The following IQSEC1 variants were observed in gnomAD, a reference collection of about 807,000 sequenced individuals.
IQSEC1 encodes the protein IQ motif and Sec7 domain ArfGEF 1.
In IQSEC1, 31 loss-of-function variants were observed where a neutral mutation model predicts 91.0. The observed-to-expected ratio is 0.34, with a 90% CI of 0.26 to 0.46. The LOEUF (loss-of-function observed/expected upper bound fraction) is 0.46, where lower values mean the gene tolerates loss of function less well. IQSEC1 is among the 20% of genes least tolerant of loss of function. The pLI is 1.00. For missense variants in IQSEC1, 1,388 were observed against 1,575.6 expected, an observed-to-expected ratio of 0.88 and a Z score of 2.02; for synonymous variants, 699 against 662.6, an observed-to-expected ratio of 1.05 and a Z score of -0.84.
chr3:13,130,142 G>A (rs8180008), intron 2 of IQSEC1, among the ~76,000 whole-genome samples: 16,044 of 150,110 alleles, frequency 0.11, 1,090 homozygotes, highest in South Asian at 0.15. Context: ...TCAGGAGTTC[G>A]AGAACAGCCT....
At chr3:12,949,733 G>C (rs1699413593) in intron 1 of IQSEC1, among the ~76,000 whole-genome samples, 2 of 152,200 alleles carry the variant, frequency 1.3e-5, no homozygotes, top group Non-Finnish European at 2.9e-5. Flanking sequence ...CCCCGTCTCG[G>C]GGAGGGATGG....
At position 12,909,941 on chromosome 3, in the gene IQSEC1, G is replaced by A. The variant is rs1575866403; in HGVS notation, c.2417-507C>T. 6.6e-6 allele frequency among the ~76,000 whole-genome samples: 1 copy of A among 152,232 alleles called. No individual in the cohort carries two copies. The highest frequency in any genetic ancestry group is 2.1e-4 in the South Asian group (1 of 4,836). On this transcript the variant is annotated intron_variant, in intron 10 of 13. Coordinates refer to ENST00000613206, the MANE Select transcript of IQSEC1 (RefSeq NM_001134382.3). The surrounding 1 kb of genome is among the most constrained non-coding windows in gnomAD (Gnocchi z 4.9). ...GCTGCTCCGGCAGTGGGAGTCACTG[G>A]CAGAGCATCAGCCACTGGATGTTTG...
chr3:13,262,868 C>T (rs1180052517), intron 1 of IQSEC1, among the ~76,000 whole-genome samples: 2 of 152,170 alleles, frequency 1.3e-5, no homozygotes, highest in Non-Finnish European at 2.9e-5. Flanking sequence ...ATCCAGTTCA[C>T]AGACACAGGA....
chr3:13,072,955 C>CTCTGGCT, intron 1 of IQSEC1, 37 bp downstream of exon 1: 1 of 1,543,478 alleles, frequency 6.5e-7, no homozygotes, highest in South Asian at 1.2e-5. Flanking sequence ...CCCCTCTGGC[C>CTCTGGCT]TCTGGCTTCA....
intron 1 of IQSEC1, among the ~76,000 whole-genome samples, chr3:13,019,150 C>T (rs934740181): frequency 6.6e-6 from 1 of 152,380 alleles, no homozygotes; most frequent in South Asian, 2.1e-4. Flanking sequence ...CACAACCTAC[C>T]GTTGTGGGCT....
At chr3:13,212,798 C>T (rs1290122618) in intron 1 of IQSEC1, among the ~76,000 whole-genome samples, 10 of 152,180 alleles carry the variant, frequency 6.6e-5, no homozygotes, top group Admixed American at 5.2e-4. Flanking sequence ...CACATGTGTA[C>T]TGGTCACTGG....
rs1694358771 is a variant in IQSEC1, at chr3:13,207,114, A to C, written c.273-42981T>G. 6.6e-6 allele frequency among the ~76,000 whole-genome samples: 1 copy of C among 151,972 alleles called. No homozygotes were observed. The highest frequency in any genetic ancestry group is 1.5e-5 in the Non-Finnish European group (1 of 67,980). ...GGAGTTGCTGGCCCTGACAATTTCT[A>C]CTACTGCATCGTGGGACCACCCAAC... On this transcript the variant is annotated intron_variant, in intron 1 of 15. Coordinates refer to the IQSEC1 transcript ENST00000648114. The surrounding 1 kb of genome is among the most constrained non-coding windows in gnomAD (Gnocchi z 4.8).
intron 1 of IQSEC1, among the ~76,000 whole-genome samples, chr3:12,996,223 AT>A (rs1269022548): frequency 1.3e-5 from 2 of 152,222 alleles, no homozygotes; most frequent in African/African-American, 4.8e-5. Context: ...TAGTTTTAAT[AT>A]TTAAAAATGC....
At chr3:12,976,706 C>T (rs1296546615) in intron 1 of IQSEC1, among the ~76,000 whole-genome samples, 1 of 152,210 alleles carries the variant, frequency 6.6e-6, no homozygotes, top group African/African-American at 2.4e-5. Flanking sequence ...GTCACTTCCA[C>T]CAGAAAGTAG....
chr3:13,038,297 T>TATATATAA (rs1184139616), intron 1 of IQSEC1, among the ~76,000 whole-genome samples: 2 of 131,974 alleles, frequency 1.5e-5, no homozygotes, highest in Admixed American at 7.8e-5. Flanking sequence ...TATATATATA[T>TATATATAA]AAAATGAAGT....
intron 2 of IQSEC1, among the ~76,000 whole-genome samples, chr3:13,091,537 C>T (rs763752976): frequency 6.6e-6 from 1 of 152,022 alleles, no homozygotes; most frequent in Non-Finnish European, 1.5e-5. Flanking sequence ...GGCCTCCCTG[C>T]CCTCCCTGAG....
In IQSEC1 at chr3:13,065,770, G is replaced by C. The variant is rs80197751; in HGVS notation, c.23+7222C>G. On this transcript the variant is annotated intron_variant, in intron 1 of 13. Transcript: ENST00000613206. ...ACAGAAATGGAACCAGGGACTCGGA[G>C]AGGTATTTGCACACCCATGTTCACA... Among the ~76,000 whole-genome samples, 284 of 152,302 alleles carry C rather than the reference G, an allele frequency of 1.9e-3. 2 individuals are homozygous for C. Among genetic ancestry groups the C allele is most frequent in the African/African-American group, 6.5e-3 (272 of 41,550 alleles).
intron 1 of IQSEC1, among the ~76,000 whole-genome samples, chr3:12,963,757 C>T (rs898471814): frequency 6.6e-6 from 1 of 152,218 alleles, no homozygotes; most frequent in African/African-American, 2.4e-5. Flanking sequence ...ACACTACTAA[C>T]CTCAGTGCTT....
intron 1 of IQSEC1, among the ~76,000 whole-genome samples, chr3:13,241,382 C>T (rs906645475): frequency 4.6e-5 from 7 of 152,234 alleles, no homozygotes; most frequent in Non-Finnish European, 7.3e-5. Flanking sequence ...CACCAGACCA[C>T]AGGCTGCCCT....
intron 1 of IQSEC1, among the ~76,000 whole-genome samples, chr3:13,197,148 G>A (rs542840615): frequency 2.4e-4 from 37 of 152,324 alleles, no homozygotes; most frequent in African/African-American, 8.4e-4. Context: ...TGCCTCTCCA[G>A]GAGCCTGAAG....
At chr3:13,279,487 G>C (rs992076014) in intron 1 of IQSEC1, among the ~76,000 whole-genome samples, 2 of 152,240 alleles carry the variant, frequency 1.3e-5, no homozygotes, top group African/African-American at 4.8e-5. Flanking sequence ...AAGGCTTAAA[G>C]GTTTCTGGAC....
At chr3:12,991,142 C>T (rs186439471) in intron 1 of IQSEC1, among the ~76,000 whole-genome samples, 7 of 152,280 alleles carry the variant, frequency 4.6e-5, no homozygotes, top group South Asian at 4.1e-4. Context: ...TCCCTACCTG[C>T]GCCCTGCTTT....
rs545418899 is a variant in IQSEC1 at position 13,259,580 on chromosome 3, C to T, written c.272+23131G>A. 3.3e-4 allele frequency among the ~76,000 whole-genome samples: 51 copies of T among 152,352 alleles called. No homozygotes were observed. The highest frequency in any genetic ancestry group is 4.3e-4 in the Non-Finnish European group (29 of 68,040). On this transcript the variant is annotated intron_variant, in intron 1 of 15. Transcript: ENST00000648114. The surrounding 1 kb of genome is among the most constrained non-coding windows in gnomAD (Gnocchi z 4.6). ...GATGGATGCAGTGTTTAAGCCATAA[C>T]TGTTTTCACTAAGTGTTCATTAACT...
intron 2 of IQSEC1, among the ~76,000 whole-genome samples, chr3:13,106,972 T>C (rs979774659): frequency 4.6e-5 from 7 of 152,128 alleles, no homozygotes; most frequent in African/African-American, 1.4e-4. Flanking sequence ...ATGATGAAAA[T>C]AGTAAAAGAC....
Sources: allele counts gnomAD v4.1 joint callset (sites outside exome capture counted in the v4.1 genomes callset), GRCh38; gene constraint gnomAD v4.1.1; non-coding constraint Gnocchi (gnomAD v3.1); transcripts MANE v1.5; gene names NCBI Gene and HGNC (gene_info 2026-07-23, HGNC 2026-07-21).